Variants in ZC3H6 observed in about 807,000 individuals in gnomAD.
ZC3H6 encodes zinc finger CCCH domain-containing protein 6.
In ZC3H6, 40 loss-of-function variants were observed where a neutral mutation model predicts 107.7. The ratio of observed to expected loss-of-function variants is 0.37; its 90% CI spans 0.29 to 0.48. ZC3H6 has a LOEUF of 0.48. ZC3H6 is among the 20% of genes least tolerant of loss of function. ZC3H6 has a pLI of 0.98. For synonymous variants in ZC3H6, 493 were observed against 487.9 expected, an observed-to-expected ratio of 1.01 and a Z score of -0.14; for missense variants, 1,267 against 1,410.4, an observed-to-expected ratio of 0.90 and a Z score of 1.63.
intron 3 of ZC3H6, among the ~76,000 whole-genome samples, chr2:112,304,559 C>G (rs1304724152): frequency 6.6e-6 from 1 of 152,162 alleles, no homozygotes; most frequent in Non-Finnish European, 1.5e-5. Flanking sequence ...TCCAAAATTC[C>G]TCTTATTATA....
At chr2:112,277,530 G>A (rs181569973) in intron 1 of ZC3H6, among the ~76,000 whole-genome samples, 177 of 152,194 alleles carry the variant, frequency 1.2e-3, no homozygotes, top group African/African-American at 4.1e-3. Flanking sequence ...TGCTGGTAAG[G>A]AACTGTGATG....
chr2:112,309,919 A>G lies in ZC3H6; in HGVS notation c.371A>G (p.Lys124Arg). Residue 124 changes from lysine to arginine, a missense_variant, in exon 4 of 12, where the codon AAG (lysine) becomes AGG (arginine). By Grantham distance (26) the Lys-to-Arg change is conservative. This residue lies in a region of ZC3H6 where 337 missense variants were observed against 361.2 expected (regional missense o/e 0.93). Transcript: ENST00000409871. ...ATATCAGGAAGCTACATAACATCAA[A>G]GAAGGGTCAACATAACAAAAAATTT... ...GHISGSYITS[K>R]KGQHNKKFKS... 6.3e-7 allele frequency: 1 copy of G among 1,592,586 alleles called. No individual in the cohort carries two copies.
intron 3 of ZC3H6, among the ~76,000 whole-genome samples, chr2:112,307,539 C>T (rs552025409): frequency 1.3e-5 from 2 of 152,252 alleles, no homozygotes; most frequent in South Asian, 2.1e-4. Flanking sequence ...GCTAGACCCT[C>T]GCCCATGAGT....
At chr2:112,290,901 C>T (rs1357277470) in intron 1 of ZC3H6, among the ~76,000 whole-genome samples, 6 of 152,216 alleles carry the variant, frequency 3.9e-5, no homozygotes, top group Non-Finnish European at 5.9e-5. Flanking sequence ...TATGGACACT[C>T]TTGAGGACAG....
intron 1 of ZC3H6, among the ~76,000 whole-genome samples, chr2:112,284,392 T>A (rs1371433976): frequency 6.6e-6 from 1 of 151,860 alleles, no homozygotes; most frequent in African/African-American, 2.4e-5. Flanking sequence ...TGAAAACCAA[T>A]ATTTGTTAAA....
chr2:112,319,194 C>T (rs1232169086), intron 7 of ZC3H6, among the ~76,000 whole-genome samples: 2 of 152,058 alleles, frequency 1.3e-5, no homozygotes, highest in South Asian at 2.1e-4. Context: ...GTAATGAAGT[C>T]GTGATTGGTA....
In ZC3H6 at chr2:112,283,220, T is replaced by TA. The variant is rs1166260119; in HGVS notation, c.32+7195dup. On this transcript the variant is annotated intron_variant, in intron 1 of 11. Coordinates refer to ENST00000409871, the MANE Select transcript of ZC3H6 (RefSeq NM_198581.3). ...TGCTGATGTGTACCAACCAAGACAG[T>TA]AGTCATTAAGTGACTAACAATAATG... Among the ~76,000 whole-genome samples the TA allele has an allele frequency of 8.5e-4, 130 of 152,284 alleles. 1 individual carries two copies. Among genetic ancestry groups the TA allele is most frequent in the African/African-American group, 2.9e-3 (120 of 41,552 alleles).
At chr2:112,291,751 T>C in intron 1 of ZC3H6, among the ~76,000 whole-genome samples, 1 of 151,710 alleles carries the variant, frequency 6.6e-6, no homozygotes, top group East Asian at 2.0e-4. Flanking sequence ...CAGAGTCTCA[T>C]TCTGTCGCCC....
chr2:112,276,963 G>T (rs6542049), intron 1 of ZC3H6, among the ~76,000 whole-genome samples: 150,840 of 152,332 alleles, frequency 0.99, 74,684 homozygotes, highest in East Asian at 1. Flanking sequence ...ATAGAAGTAA[G>T]AAAAAATATA....
At chr2:112,282,142 T>C (rs940036986) in intron 1 of ZC3H6, among the ~76,000 whole-genome samples, 1 of 152,216 alleles carries the variant, frequency 6.6e-6, no homozygotes, top group African/African-American at 2.4e-5. Flanking sequence ...GAGATCTGCC[T>C]CACTAGGGTA....
chr2:112,321,883 AC>A lies in ZC3H6; in HGVS notation c.1086+20del. 1 of 1,221,356 alleles carries A rather than the reference AC, an allele frequency of 8.2e-7. No homozygotes were observed. The highest frequency in any genetic ancestry group is 1.1e-6 in the Non-Finnish European group (1 of 878,214). 75.7% of individuals were successfully genotyped at this position (1,221,356 alleles called of 1,614,324 possible). On this transcript the variant is annotated intron_variant, in intron 8 of 11. Coordinates refer to ENST00000409871, the MANE Select transcript of ZC3H6 (RefSeq NM_198581.3). ...TGGACAAAGTGAGTAATATTTTTGT[AC>A]CTTGATTATGTCTCTCCACAAATAC...
intron 11 of ZC3H6, 60 bp from the exon 12 acceptor site, chr2:112,330,938 TATAATAA>T (rs1558958481): frequency 4.2e-5 from 27 of 646,808 alleles, no homozygotes; most frequent in South Asian, 7.7e-5. Flanking sequence ...ATAATTATAA[TATAATAA>T]TTTTATTATA....
chr2:112,305,962 T>C (rs986851990), intron 3 of ZC3H6, among the ~76,000 whole-genome samples: 4 of 152,172 alleles, frequency 2.6e-5, no homozygotes, highest in Admixed American at 2.6e-4. Flanking sequence ...TATTTATTTA[T>C]TTGAGACAGA....
intron 4 of ZC3H6, among the ~76,000 whole-genome samples, chr2:112,310,492 C>A (rs997749061): frequency 2.0e-5 from 3 of 152,126 alleles, no homozygotes; most frequent in Non-Finnish European, 4.4e-5. Context: ...AAATTTAGAC[C>A]AGCTGGGAAG....
rs1215386245 is a variant in ZC3H6 at position 112,335,476 on chromosome 2, A to G, written c.*2988A>G. The stretch of plus-strand genomic sequence containing the variant: ...AGGGCTGGAAGTTTAAAGAGAATAA[A>G]TTCATATTTTTTGTTCTGAATTGAT... On this transcript the variant is annotated 3_prime_UTR_variant, in exon 12 of 12. Coordinates refer to ENST00000409871, the MANE Select transcript of ZC3H6 (RefSeq NM_198581.3). The G allele has an allele frequency of 6.6e-6, 1 of 152,056 alleles. No individual in the cohort carries two copies. The highest frequency in any genetic ancestry group is 1.5e-5 in the Non-Finnish European group (1 of 67,996). The allele number at this position is 152,056 out of a possible 1,614,324, so 9.4% of individuals were successfully genotyped here. A position where few individuals can be genotyped will look rare whatever the true frequency, so the allele number is the denominator to read the frequency against.
intron 3 of ZC3H6, among the ~76,000 whole-genome samples, chr2:112,304,740 C>G (rs530926427): frequency 6.6e-6 from 1 of 152,214 alleles, no homozygotes; most frequent in African/African-American, 2.4e-5. Context: ...CTGAAAAGCC[C>G]CAAAGTTTCT....
Position 112,302,675 on chromosome 2 carries a change from TATC to T in ZC3H6, c.214-551_214-549del, listed in dbSNP as rs532949465. Among the ~76,000 whole-genome samples the T allele has an allele frequency of 2.8e-4, 43 of 152,306 alleles. No individual in the cohort carries two copies. The East Asian group carries it at 8.1e-3, about 29-fold the overall frequency. ...GAAAAAGCTTACTCTTGATATCAAT[TATC>T]ATTGTACTTGACATCAATAATCATT... On this transcript the variant is annotated intron_variant, in intron 2 of 11. Transcript: ENST00000409871.
intron 11 of ZC3H6, 99 bp downstream of exon 11, chr2:112,325,296 C>G: frequency 9.4e-7 from 1 of 1,067,900 alleles, no homozygotes; most frequent in Non-Finnish European, 1.4e-6. Context: ...GAGTTCGAGA[C>G]CAACCTGGCC....
At chr2:112,303,200 T>C (rs776349383) in intron 2 of ZC3H6, 29 bp from the exon 3 acceptor site, 7 of 1,587,482 alleles carry the variant, frequency 4.4e-6, no homozygotes, top group Admixed American at 1.9e-5. Context: ...TTTGCAAATG[T>C]AACATATTTG....
Sources: gnomAD v4.1 joint callset for allele counts (sites outside exome capture counted in the v4.1 genomes callset) on GRCh38, gnomAD v4.1.1 for gene constraint, gnomAD v4.1.1 regional missense constraint, MANE v1.5 for transcripts, NCBI Gene and HGNC (gene_info 2026-07-23, HGNC 2026-07-21) for gene names.